Variants in FAT3 observed in about 807,000 individuals in gnomAD.
FAT3 encodes protocadherin Fat 3.
In FAT3, 95 loss-of-function variants were observed where a neutral mutation model predicts 310.2. The observed-to-expected ratio is 0.31, with a 90% confidence interval of 0.26 to 0.36. The LOEUF is 0.36. FAT3 is among the 10% of genes least tolerant of loss of function. The pLI, the probability that FAT3 is intolerant of heterozygous loss-of-function variation, is 1.00. For synonymous variants in FAT3, 2,314 were observed against 2,192.9 expected (o/e 1.06, Z -1.54); for missense variants, 5,408 against 5,715.6 (o/e 0.95, Z 1.74).
chr11:92,788,419 A>T (rs1267349404), intron 7 of FAT3, among the ~76,000 whole-genome samples: 1 of 152,200 alleles, frequency 6.6e-6, no homozygotes, highest in East Asian at 1.9e-4. Flanking sequence ...AAAGGGAAAG[A>T]ATTATTTATC....
intron 18 of FAT3, among the ~76,000 whole-genome samples, chr11:92,843,065 G>T (rs1388280667): frequency 6.8e-6 from 1 of 146,592 alleles, no homozygotes; most frequent in African/African-American, 2.7e-5. Context: ...AAAAACTGAG[G>T]CTTAGAGAAG....
Position 92,818,216 on chromosome 11 carries a change from C to T in FAT3, c.9481+8140C>T, listed in dbSNP as rs142416231. On this transcript the variant is annotated intron_variant, in intron 13 of 27. Transcript: ENST00000525166. ...GAAAACAAACAAGGAAAACAATATA[C>T]ATTCAGCATTTACTCTCTAAAACTC... 4.4e-4 allele frequency among the ~76,000 whole-genome samples: 67 copies of T among 152,250 alleles called. 2 individuals are homozygous for T. The South Asian group carries it at 7.9e-3, about 18-fold the overall frequency.
At chr11:92,388,441 G>A (rs956951385) in intron 2 of FAT3, among the ~76,000 whole-genome samples, 1 of 152,178 alleles carries the variant, frequency 6.6e-6, no homozygotes. Context: ...TTTCCTGGAA[G>A]AGAAATGGTA....
intron 3 of FAT3, among the ~76,000 whole-genome samples, chr11:92,645,603 C>T (rs1591557850): frequency 6.6e-6 from 1 of 151,536 alleles, no homozygotes; most frequent in East Asian, 1.9e-4. Flanking sequence ...ACTTAGTCTA[C>T]TAAATGCTTG....
intron 3 of FAT3, among the ~76,000 whole-genome samples, chr11:92,565,047 T>G (rs1263768239): frequency 7.0e-6 from 1 of 143,596 alleles, no homozygotes; most frequent in African/African-American, 2.5e-5. Context: ...AGAGCAGAAC[T>G]GAAGGAAATA....
intron 4 of FAT3, among the ~76,000 whole-genome samples, chr11:92,715,927 A>T (rs1944668279): frequency 6.6e-6 from 1 of 152,078 alleles, no homozygotes. Flanking sequence ...GGAAGTAGGA[A>T]TTGGAGAGCA....
At chr11:92,530,736 A>T (rs1954038432) in intron 3 of FAT3, among the ~76,000 whole-genome samples, 1 of 152,144 alleles carries the variant, frequency 6.6e-6, no homozygotes, top group African/African-American at 2.4e-5. Flanking sequence ...ATTATAAAAA[A>T]GTGTTAGTTC....
chr11:92,447,188 T>C (rs770576165), intron 2 of FAT3, among the ~76,000 whole-genome samples: 8 of 151,084 alleles, frequency 5.3e-5, no homozygotes, highest in Non-Finnish European at 1.0e-4. Flanking sequence ...TGTGTGTATA[T>C]GTGTGTTCAT....
intron 22 of FAT3, 73 bp downstream of exon 22, chr11:92,867,282 T>G: frequency 3.3e-5 from 45 of 1,365,884 alleles, no homozygotes; most frequent in Non-Finnish European, 4.3e-5. Flanking sequence ...GGGGGATCCC[T>G]GCCCTCCCAA....
At chr11:92,817,447 G>A (rs1344332800) in intron 13 of FAT3, among the ~76,000 whole-genome samples, 3 of 152,174 alleles carry the variant, frequency 2.0e-5, no homozygotes, top group East Asian at 1.9e-4. Context: ...TTTTGATAGA[G>A]CTTCCCTGTT....
intron 3 of FAT3, among the ~76,000 whole-genome samples, chr11:92,603,433 G>T (rs1940126949): frequency 6.6e-6 from 1 of 152,186 alleles, no homozygotes; most frequent in Non-Finnish European, 1.5e-5. Context: ...TTCAATAAAA[G>T]ATTTTTGCTT....
intron 3 of FAT3, among the ~76,000 whole-genome samples, chr11:92,641,120 C>G (rs1291881877): frequency 6.6e-6 from 1 of 152,062 alleles, no homozygotes; most frequent in Admixed American, 6.5e-5. Flanking sequence ...CCCTTAAGCC[C>G]AGGGATCAAG....
At chr11:92,545,944 C>T (rs964682243) in intron 3 of FAT3, among the ~76,000 whole-genome samples, 1 of 152,146 alleles carries the variant, frequency 6.6e-6, no homozygotes, top group African/African-American at 2.4e-5. Flanking sequence ...TAAAATTAAG[C>T]TTTTGATCCT....
intron 3 of FAT3, among the ~76,000 whole-genome samples, chr11:92,643,889 A>G (rs1261184481): frequency 6.6e-6 from 1 of 152,248 alleles, no homozygotes; most frequent in African/African-American, 2.4e-5. Context: ...AACTTGCACA[A>G]ATTGCCTCAT....
At chr11:92,569,294 G>A (rs1019660020) in intron 3 of FAT3, among the ~76,000 whole-genome samples, 4 of 152,154 alleles carry the variant, frequency 2.6e-5, no homozygotes, top group South Asian at 4.1e-4. Flanking sequence ...ATTGCTGTGA[G>A]GTGGGAATGA....
intron 4 of FAT3, among the ~76,000 whole-genome samples, chr11:92,755,076 T>C (rs1251604015): frequency 6.6e-6 from 1 of 152,054 alleles, no homozygotes; most frequent in Non-Finnish European, 1.5e-5. Context: ...GAGGGATTGG[T>C]AATGGGGAGA....
chr11:92,703,447 A>G (rs1944164727), intron 4 of FAT3, among the ~76,000 whole-genome samples: 2 of 152,318 alleles, frequency 1.3e-5, no homozygotes, highest in South Asian at 4.2e-4. Flanking sequence ...CTCTACAGGA[A>G]GTATCCATGG....
At chr11:92,855,856 GTTTGCTGGTGCTAC>G (rs1591819122) in intron 19 of FAT3, among the ~76,000 whole-genome samples, 1 of 152,022 alleles carries the variant, frequency 6.6e-6, no homozygotes, top group East Asian at 1.9e-4. Context: ...TGAATTCTGA[GTTTGCTGGTGCTAC>G]TTATATTGCT....
chr11:92,729,361 A>C (rs564700820), intron 4 of FAT3, among the ~76,000 whole-genome samples: 2 of 152,170 alleles, frequency 1.3e-5, no homozygotes, highest in East Asian at 3.9e-4. Flanking sequence ...TGAGGGAGAC[A>C]CATCTCTCAC....
Sources: gnomAD v4.1 joint callset for allele counts (sites outside exome capture counted in the v4.1 genomes callset) on GRCh38, gnomAD v4.1.1 for gene constraint, MANE v1.5 for transcripts, NCBI Gene and HGNC (gene_info 2026-07-23, HGNC 2026-07-21) for gene names.